Variants in RBFOX3 observed in about 807,000 individuals in gnomAD.
RBFOX3 encodes RNA binding fox-1 homolog 3.
A neutral mutation model predicts 48.7 loss-of-function variants in RBFOX3; 17 were observed. The ratio of observed to expected loss-of-function variants is 0.35; its 90% CI spans 0.24 to 0.52. The LOEUF (loss-of-function observed/expected upper bound fraction) is 0.52, where lower values mean the gene tolerates loss of function less well. Ranked by LOEUF, RBFOX3 falls within the 20% of genes least tolerant of loss-of-function variation. The probability of loss-of-function intolerance (pLI) is 0.94; values close to 1 mark genes in which losing one functional copy is unlikely to be tolerated. For synonymous variants in RBFOX3, 212 were observed against 209.5 expected, an observed-to-expected ratio of 1.01 and a Z score of -0.10; for missense variants, 382 against 497.5, an observed-to-expected ratio of 0.77 and a Z score of 2.21.
chr17:79,281,974 G>A (rs2070654561), intron 3 of RBFOX3, among the ~76,000 whole-genome samples: 1 of 152,196 alleles, frequency 6.6e-6, no homozygotes, highest in African/African-American at 2.4e-5. Context: ...GAGCGGGTCC[G>A]TGGACTTTGC....
intron 3 of RBFOX3, among the ~76,000 whole-genome samples, chr17:79,238,875 G>A (rs1028586246): frequency 1.3e-5 from 2 of 152,126 alleles, no homozygotes; most frequent in African/African-American, 4.8e-5. Context: ...AGAACTAGAG[G>A]GATGGTCAAA....
intron 4 of RBFOX3, among the ~76,000 whole-genome samples, chr17:79,207,009 G>A (rs1267974970): frequency 1.3e-5 from 2 of 152,124 alleles, no homozygotes; most frequent in Non-Finnish European, 2.9e-5. Flanking sequence ...ACTCTGCTTT[G>A]GGGAGAAAAC....
rs1317274914 is a variant in RBFOX3 at position 79,247,334 on chromosome 17, AC to A, written c.-73-11530del. On this transcript the variant is annotated intron_variant, in intron 3 of 14. Coordinates refer to ENST00000693108, the MANE Select transcript of RBFOX3 (RefSeq NM_001350451.2). ...TATTTTTTTTTTTTTTTTTTTTGAG[AC>A]AGAGTCTCACTCTGTCACCCAGGCT... Among the ~76,000 whole-genome samples the A allele has an allele frequency of 1.2e-4, 7 of 57,864 alleles. No individual in the cohort carries two copies. The East Asian group carries it at 2.7e-3, about 23-fold the overall frequency. The allele number at this position is 57,864 out of a possible 152,430, so 38.0% of individuals were successfully genotyped here. A position where few individuals can be genotyped will look rare whatever the true frequency, so the allele number is the denominator to read the frequency against.
intron 2 of RBFOX3, among the ~76,000 whole-genome samples, chr17:79,393,582 A>G (rs2061608172): frequency 6.6e-6 from 1 of 152,146 alleles, no homozygotes; most frequent in African/African-American, 2.4e-5. Context: ...GGAGCTGGTC[A>G]TCAATGAACA....
intron 2 of RBFOX3, among the ~76,000 whole-genome samples, chr17:79,450,821 T>C (rs1555741191): frequency 8.5e-5 from 13 of 152,162 alleles, no homozygotes. Context: ...CAAGGTGCTG[T>C]TTGCATGCAT....
intron 1 of RBFOX3, among the ~76,000 whole-genome samples, chr17:79,564,113 A>G (rs1051650257): frequency 5.3e-5 from 8 of 152,198 alleles, no homozygotes; most frequent in Non-Finnish European, 8.8e-5. Flanking sequence ...ACAGCTAAGG[A>G]AAGAACCAGC....
At chr17:79,365,136 C>A (rs941067300) in intron 2 of RBFOX3, among the ~76,000 whole-genome samples, 3 of 152,096 alleles carry the variant, frequency 2.0e-5, no homozygotes, top group African/African-American at 7.2e-5. Context: ...CGCACACACA[C>A]ACACACACAC....
intron 6 of RBFOX3, 74 bp from the exon 7 acceptor site, chr17:79,104,200 G>T: frequency 7.8e-7 from 1 of 1,275,260 alleles, no homozygotes. Context: ...CCAGCTGCCC[G>T]CTCCACTCCT....
intron 1 of RBFOX3, among the ~76,000 whole-genome samples, chr17:79,488,581 T>C (rs1459571487): frequency 6.6e-6 from 1 of 152,184 alleles, no homozygotes; most frequent in Non-Finnish European, 1.5e-5. Context: ...TGGGTTCTCC[T>C]CCCAGCCCAT....
intron 2 of RBFOX3, among the ~76,000 whole-genome samples, chr17:79,370,500 ACAC>A (rs2058375016): frequency 6.6e-6 from 1 of 152,172 alleles, no homozygotes; most frequent in Admixed American, 6.5e-5. Flanking sequence ...TCACACAGGC[ACAC>A]ACACGTACAC....
intron 2 of RBFOX3, among the ~76,000 whole-genome samples, chr17:79,330,110 T>C (rs1482277764): frequency 1.3e-5 from 2 of 152,148 alleles, no homozygotes; most frequent in African/African-American, 4.8e-5. Context: ...TGTGTGAGCA[T>C]GTGTGTGTGC....
At chr17:79,260,597 C>G (rs2065598701) in intron 3 of RBFOX3, among the ~76,000 whole-genome samples, 1 of 152,200 alleles carries the variant, frequency 6.6e-6, no homozygotes. Context: ...GCACTGATGG[C>G]CAAGGCCAAA....
At chr17:79,580,693 A>G in intron 1 of RBFOX3, among the ~76,000 whole-genome samples, 1 of 152,234 alleles carries the variant, frequency 6.6e-6, no homozygotes, top group East Asian at 1.9e-4. Context: ...TGCTCCTCAT[A>G]CAAGGGGCCA....
At chr17:79,318,542 C>T (rs1197813673) in intron 2 of RBFOX3, among the ~76,000 whole-genome samples, 2 of 152,062 alleles carry the variant, frequency 1.3e-5, no homozygotes, top group Non-Finnish European at 1.5e-5. Flanking sequence ...AAATTTCATA[C>T]TAAGAGTTGG....
At chr17:79,553,190 G>A (rs998207307) in intron 1 of RBFOX3, among the ~76,000 whole-genome samples, 1 of 152,176 alleles carries the variant, frequency 6.6e-6, no homozygotes, top group Admixed American at 6.5e-5. Flanking sequence ...AAGAATGGAT[G>A]CTGAATTTTG....
At chr17:79,210,987 G>A (rs1250565830) in intron 4 of RBFOX3, among the ~76,000 whole-genome samples, 1 of 152,030 alleles carries the variant, frequency 6.6e-6, no homozygotes, top group Non-Finnish European at 1.5e-5. Flanking sequence ...TAAACAGGAG[G>A]AGGTTGCCTG....
At chr17:79,614,661 G>T (rs1038293373), upstream of RBFOX3, among the ~76,000 whole-genome samples, 4 of 152,152 alleles carry the variant, frequency 2.6e-5, no homozygotes, top group African/African-American at 9.7e-5. Context: ...AGGAGATACC[G>T]CATCCATGAA....
chr17:79,371,766 T>C (rs1330741922), intron 2 of RBFOX3, among the ~76,000 whole-genome samples: 2 of 152,126 alleles, frequency 1.3e-5, no homozygotes, highest in East Asian at 1.9e-4. Flanking sequence ...GACTGGGGCT[T>C]GGGGTCACCC....
chr17:79,210,164 G>A (rs1358716445), intron 4 of RBFOX3, among the ~76,000 whole-genome samples: 2 of 152,242 alleles, frequency 1.3e-5, no homozygotes, highest in Admixed American at 6.5e-5. Context: ...GGAGGGATAT[G>A]GAGTGGGGAG....
Sources: allele counts gnomAD v4.1 joint callset (sites outside exome capture counted in the v4.1 genomes callset), GRCh38; gene constraint gnomAD v4.1.1; transcripts MANE v1.5; gene names NCBI Gene and HGNC (gene_info 2026-07-23, HGNC 2026-07-21).